The following CUL2 variants were observed in gnomAD, a reference collection of about 807,000 sequenced individuals.
CUL2 encodes cullin-2.
CUL2 carries 22 observed loss-of-function variants against 110.2 expected under a neutral mutation model. The ratio of observed to expected loss-of-function variants is 0.20; its 90% CI spans 0.14 to 0.28. CUL2 has a LOEUF of 0.28. Among genes scored for constraint, CUL2 ranks in the 10% least tolerant of loss-of-function variants. CUL2 has a pLI of 1.00. For missense variants in CUL2, 631 were observed against 905.5 expected, an observed-to-expected ratio of 0.70 and a Z score of 3.89; for synonymous variants, 279 against 293.2, an observed-to-expected ratio of 0.95 and a Z score of 0.49.
intron 1 of CUL2, among the ~76,000 whole-genome samples, chr10:35,112,471 G>A (rs562245406): frequency 6.6e-6 from 1 of 152,258 alleles, no homozygotes; most frequent in South Asian, 2.1e-4. Flanking sequence ...ATGGCTCTCT[G>A]GCTAAGTTGA....
At chr10:35,047,790 A>G (rs550077909) in intron 6 of CUL2, among the ~76,000 whole-genome samples, 2 of 152,012 alleles carry the variant, frequency 1.3e-5, no homozygotes, top group African/African-American at 2.4e-5. Flanking sequence ...GGTGGTGCCC[A>G]GCTACTCGGG....
chr10:35,081,423 C>A (rs549999080), intron 1 of CUL2, among the ~76,000 whole-genome samples: 1 of 152,168 alleles, frequency 6.6e-6, no homozygotes, highest in African/African-American at 2.4e-5. Context: ...ATCTAGTCAA[C>A]GAATTTAAGA....
intron 18 of CUL2, among the ~76,000 whole-genome samples, chr10:35,015,091 C>T (rs2084992754): frequency 6.6e-6 from 1 of 151,870 alleles, no homozygotes; most frequent in Admixed American, 6.6e-5. Flanking sequence ...TCGAGACCAG[C>T]CTGACCAGCC....
At chr10:35,092,603 G>T (rs2087228666), upstream of CUL2, among the ~76,000 whole-genome samples, 1 of 152,188 alleles carries the variant, frequency 6.6e-6, no homozygotes, top group African/African-American at 2.4e-5. Flanking sequence ...TGAACTACCT[G>T]CATTTTTCAT....
At chr10:35,044,962 T>C in intron 6 of CUL2, 94 bp from the exon 7 acceptor site, 1 of 809,836 alleles carries the variant, frequency 1.2e-6, no homozygotes, top group Non-Finnish European at 2.0e-6. Context: ...CTTATTCTAT[T>C]GGTCTAATCA....
intron 1 of CUL2, among the ~76,000 whole-genome samples, chr10:35,081,949 T>C (rs994953901): frequency 1.3e-5 from 2 of 152,200 alleles, no homozygotes; most frequent in African/African-American, 2.4e-5. Context: ...GATACAGTTA[T>C]GGCAGATGCA....
chr10:35,026,508 G>A (rs2085338131), intron 16 of CUL2, among the ~76,000 whole-genome samples: 1 of 152,168 alleles, frequency 6.6e-6, no homozygotes, highest in Non-Finnish European at 1.5e-5. Context: ...ATAATTTAAA[G>A]TGCAAAGCTG....
chr10:35,046,799 G>A (rs73258735), intron 6 of CUL2, among the ~76,000 whole-genome samples: 4,509 of 152,146 alleles, frequency 0.03, 223 homozygotes, highest in African/African-American at 0.1. Context: ...GGCTGAGGTA[G>A]GAAAATTGGC....
At chr10:35,103,738 G>C (rs766174228) in intron 1 of CUL2, among the ~76,000 whole-genome samples, 1 of 152,110 alleles carries the variant, frequency 6.6e-6, no homozygotes, top group Non-Finnish European at 1.5e-5. Context: ...GGGATTATAG[G>C]CATGGGCCAC....
chr10:35,061,108 A>C, intron 3 of CUL2, 140 bp from the exon 4 acceptor site: 1 of 890,278 alleles, frequency 1.1e-6, no homozygotes, highest in Non-Finnish European at 1.6e-6. Context: ...ACACATATTA[A>C]CTACACGTAT....
chr10:35,118,142 A>G (rs1353011911), intron 1 of CUL2: 2 of 152,250 alleles, frequency 1.3e-5, no homozygotes, highest in African/African-American at 2.4e-5. Context: ...CCATTATAGT[A>G]TCATGCAGAA....
chr10:35,097,377 A>G (rs532845403), intron 2 of CUL2, among the ~76,000 whole-genome samples: 4 of 151,806 alleles, frequency 2.6e-5, no homozygotes, highest in African/African-American at 9.7e-5. Flanking sequence ...GTGCAAGACC[A>G]GCCTGGGGAG....
At chr10:35,111,557 C>T (rs2087524347) in intron 1 of CUL2, among the ~76,000 whole-genome samples, 1 of 152,096 alleles carries the variant, frequency 6.6e-6, no homozygotes, top group Non-Finnish European at 1.5e-5. Flanking sequence ...TGCACCCAGC[C>T]AATAATTCTA....
intron 6 of CUL2, among the ~76,000 whole-genome samples, chr10:35,048,697 C>A (rs2134834311): frequency 6.6e-6 from 1 of 152,328 alleles, no homozygotes; most frequent in East Asian, 1.9e-4. Flanking sequence ...CTCCAGCTCT[C>A]TATCTCTAAA....
chr10:35,070,808 A>T (rs1341023913), intron 2 of CUL2, among the ~76,000 whole-genome samples: 2 of 152,030 alleles, frequency 1.3e-5, no homozygotes. Flanking sequence ...AGCAGCACCC[A>T]CACAGGTGCT....
At position 35,041,742 on chromosome 10, in the gene CUL2, G is replaced by T. The variant is rs1266868175; in HGVS notation, c.715-2660C>A. Among the ~76,000 whole-genome samples, 3 of 152,066 alleles carry T rather than the reference G, an allele frequency of 2.0e-5. No individual in the cohort carries two copies. In the East Asian group the frequency reaches 5.8e-4, roughly 29 times the overall value. ...TGTAGAGATGGGGTTTTGCCACGTT[G>T]CCCAGGCTTGTCCTGAACTCCTGGA... is the stretch of plus-strand genomic sequence containing the variant. On this transcript the variant is annotated intron_variant, in intron 8 of 20. Coordinates refer to ENST00000374749, the MANE Select transcript of CUL2 (RefSeq NM_003591.4).
chr10:35,030,466 T>C (rs1430094314), intron 14 of CUL2, among the ~76,000 whole-genome samples: 1 of 152,076 alleles, frequency 6.6e-6, no homozygotes, highest in Non-Finnish European at 1.5e-5. Flanking sequence ...CACAGCAGCC[T>C]TGATGTCCCA....
chr10:35,054,644 G>T, intron 4 of CUL2, 105 bp from the exon 5 acceptor site: 1 of 555,388 alleles, frequency 1.8e-6, no homozygotes, highest in South Asian at 2.8e-5. Flanking sequence ...ATAAGCCATG[G>T]AATAGCCTAC....
At chr10:35,125,440 C>T (rs1044811528) in intron 1 of CUL2, among the ~76,000 whole-genome samples, 2 of 152,162 alleles carry the variant, frequency 1.3e-5, no homozygotes, top group African/African-American at 4.8e-5. Context: ...ATATGAACTC[C>T]TGTTACAGAG....
Sources: allele counts gnomAD v4.1 joint callset (sites outside exome capture counted in the v4.1 genomes callset), GRCh38; gene constraint gnomAD v4.1.1; transcripts MANE v1.5; gene names NCBI Gene and HGNC (gene_info 2026-07-23, HGNC 2026-07-21).